GPHN: variants seen among roughly 807,000 people sequenced by gnomAD.
GPHN encodes the protein gephyrin.
GPHN carries 17 observed loss-of-function variants against 95.5 expected under a neutral mutation model. That is an observed-to-expected ratio of 0.18 (90% CI 0.12 to 0.27). The LOEUF (loss-of-function observed/expected upper bound fraction) is 0.27, where lower values mean the gene tolerates loss of function less well. Among genes scored for constraint, GPHN ranks in the 10% least tolerant of loss-of-function variants. The pLI, the probability that GPHN is intolerant of heterozygous loss-of-function variation, is 1.00. For synonymous variants in GPHN, 320 were observed against 322.5 expected (o/e 0.99, Z 0.08); for missense variants, 660 against 978.1 (o/e 0.67, Z 4.34).
chr14:66,799,707 G>A (rs2060276154), intron 3 of GPHN, among the ~76,000 whole-genome samples: 1 of 151,804 alleles, frequency 6.6e-6, no homozygotes, highest in South Asian at 2.1e-4. Flanking sequence ...GTCTTTGTAG[G>A]TGAAGTGTTC....
the GPHN span, among the ~76,000 whole-genome samples, chr14:67,664,498 A>AT: frequency 0.84 from 123,009 of 147,090 alleles, 51,536 homozygotes; most frequent in Non-Finnish European, 0.87. Flanking sequence ...CTAAAGAGCA[A>AT]TTTTTTTTTT....
chr14:67,572,012 A>C, the GPHN span: 1 of 1,481,354 alleles, frequency 6.8e-7, no homozygotes, highest in Non-Finnish European at 9.1e-7. Flanking sequence ...GTGACCCCCC[A>C]GCAGCTCCAC....
At chr14:67,021,952 TTG>T (rs1366874033) in intron 9 of GPHN, among the ~76,000 whole-genome samples, 1 of 152,064 alleles carries the variant, frequency 6.6e-6, no homozygotes, top group Admixed American at 6.6e-5. Flanking sequence ...AACTCTGTTT[TTG>T]TCTTTTAACA....
rs978754246 is a variant in GPHN at position 67,070,620 on chromosome 14, C to T, written c.1144+11834C>T. On this transcript the variant is annotated intron_variant, in intron 11 of 22. Coordinates refer to ENST00000478722, the MANE Select transcript of GPHN (RefSeq NM_020806.5). ...CTGAGGCAGAAGAATTGTTTGAACC[C>T]GGGAGGTGGAGGTTGTAGTGAGCTG... is the stretch of plus-strand genomic sequence containing the variant. Among the ~76,000 whole-genome samples the T allele has an allele frequency of 7.6e-4, 107 of 141,384 alleles. 1 individual carries two copies. The highest frequency in any genetic ancestry group is 2.3e-3 in the African/African-American group (86 of 37,800). 92.8% of individuals were successfully genotyped at this position (141,384 alleles called of 152,430 possible).
chr14:66,734,064 A>T (rs895376113), intron 2 of GPHN, among the ~76,000 whole-genome samples: 1 of 152,134 alleles, frequency 6.6e-6, no homozygotes, highest in African/African-American at 2.4e-5. Flanking sequence ...CATCATCTCT[A>T]ACTTGAACTT....
intron 18 of GPHN, among the ~76,000 whole-genome samples, chr14:67,151,620 A>C (rs1047281292): frequency 6.6e-6 from 1 of 152,126 alleles, no homozygotes; most frequent in Admixed American, 6.5e-5. Context: ...GAACCAAGGA[A>C]AGATGTACCC....
At chr14:67,236,613 C>T in the GPHN span, among the ~76,000 whole-genome samples, 1 of 152,074 alleles carries the variant, frequency 6.6e-6, no homozygotes, top group African/African-American at 2.4e-5. Flanking sequence ...GATAGTGGGA[C>T]CTTCCATTCC....
At chr14:66,572,181 G>A (rs896628282) in intron 1 of GPHN, among the ~76,000 whole-genome samples, 2 of 152,148 alleles carry the variant, frequency 1.3e-5, no homozygotes, top group Non-Finnish European at 2.9e-5. Context: ...TTTCAAATCA[G>A]GCAATATGAT....
intron 8 of GPHN, among the ~76,000 whole-genome samples, chr14:66,936,117 G>A (rs544132497): frequency 2.6e-5 from 4 of 152,084 alleles, no homozygotes; most frequent in Non-Finnish European, 4.4e-5. Flanking sequence ...GGTGGCTCAC[G>A]CCTGTAATCC....
At chr14:66,653,143 C>T (rs1445224882) in intron 1 of GPHN, among the ~76,000 whole-genome samples, 1 of 152,134 alleles carries the variant, frequency 6.6e-6, no homozygotes, top group South Asian at 2.1e-4. Context: ...TCCCAGCATC[C>T]TCCCTCTTCT....
At chr14:66,818,615 C>G (rs572661996) in intron 3 of GPHN, among the ~76,000 whole-genome samples, 47 of 152,220 alleles carry the variant, frequency 3.1e-4, no homozygotes, top group Admixed American at 5.2e-4. Flanking sequence ...TGGGTATATA[C>G]TCAGTAATGG....
chr14:67,561,383 T>G, the GPHN span, among the ~76,000 whole-genome samples: 5 of 152,120 alleles, frequency 3.3e-5, no homozygotes, highest in Non-Finnish European at 5.9e-5. Context: ...AATCTCTGTC[T>G]CTACAAAAAA....
the GPHN span, chr14:67,323,682 A>G: frequency 8.5e-7 from 1 of 1,172,308 alleles, no homozygotes; most frequent in Non-Finnish European, 1.2e-6. Context: ...TATTTTAAAA[A>G]TCAAAATGTC....
the GPHN span, among the ~76,000 whole-genome samples, chr14:67,214,148 G>T: frequency 6.6e-6 from 1 of 152,144 alleles, no homozygotes; most frequent in Non-Finnish European, 1.5e-5. Flanking sequence ...TTCTTTTGCT[G>T]TGCAGAAGCT....
chr14:67,223,696 A>G, the GPHN span: 2 of 962,228 alleles, frequency 2.1e-6, no homozygotes, highest in African/African-American at 3.5e-5. Flanking sequence ...TCTCTTATGT[A>G]TTTCTTATTT....
At chr14:67,222,912 A>T in the GPHN span, among the ~76,000 whole-genome samples, 1 of 152,114 alleles carries the variant, frequency 6.6e-6, no homozygotes, top group Non-Finnish European at 1.5e-5. Context: ...AGTCACACGT[A>T]CAAGAGTCAG....
intron 3 of GPHN, among the ~76,000 whole-genome samples, chr14:66,799,037 AT>A (rs1009395955): frequency 3.3e-5 from 5 of 151,724 alleles, no homozygotes; most frequent in African/African-American, 1.2e-4. Flanking sequence ...GTTTCAATAA[AT>A]TTTTCAGTTT....
the GPHN span, among the ~76,000 whole-genome samples, chr14:67,603,590 C>T: frequency 2.6e-5 from 4 of 152,154 alleles, no homozygotes; most frequent in Admixed American, 1.3e-4. Context: ...TGGGTTGAAG[C>T]GTTCCTGTTG....
the GPHN span, among the ~76,000 whole-genome samples, chr14:67,336,007 T>A: frequency 1.3e-5 from 2 of 152,226 alleles, no homozygotes; most frequent in African/African-American, 4.8e-5. Context: ...GTAGGTCCTG[T>A]TTCCTTAATT....
Sources: gnomAD v4.1 joint callset for allele counts (sites outside exome capture counted in the v4.1 genomes callset) on GRCh38, gnomAD v4.1.1 for gene constraint, MANE v1.5 for transcripts, NCBI Gene and HGNC (gene_info 2026-07-23, HGNC 2026-07-21) for gene names.